The following NEBL variants were observed in gnomAD, a reference collection of about 807,000 sequenced individuals.
NEBL encodes the protein LIM and SH3 protein 2.
A neutral mutation model predicts 140.2 loss-of-function variants in NEBL; 122 were observed. That is an observed-to-expected ratio of 0.87 (90% confidence interval 0.75 to 1.01). The LOEUF (loss-of-function observed/expected upper bound fraction) is 1.01. Among genes scored for constraint, NEBL ranks in the 50% least tolerant of loss-of-function variants. The pLI is 0.00. For synonymous variants in NEBL, 436 were observed against 398.9 expected (o/e 1.09, Z -1.11); for missense variants, 1,365 against 1,231.3 (o/e 1.11, Z -1.62).
intron 5 of NEBL, among the ~76,000 whole-genome samples, chr10:20,880,098 C>T (rs1588921921): frequency 2.0e-5 from 3 of 152,252 alleles, no homozygotes; most frequent in East Asian, 1.9e-4. Flanking sequence ...CACGGTGGCT[C>T]GTGCCTGTAA....
At chr10:20,995,923 T>A (rs1837648134) in intron 3 of NEBL, among the ~76,000 whole-genome samples, 1 of 148,486 alleles carries the variant, frequency 6.7e-6, no homozygotes, top group African/African-American at 2.6e-5. Context: ...TCCTTTACAG[T>A]TTATTATGAA....
At chr10:21,039,466 T>C (rs1834166046) in intron 2 of NEBL, among the ~76,000 whole-genome samples, 1 of 152,222 alleles carries the variant, frequency 6.6e-6, no homozygotes, top group African/African-American at 2.4e-5. Flanking sequence ...CCCAGCACCA[T>C]TTATTAAACA....
At chr10:21,110,803 G>C (rs1385675534) in intron 2 of NEBL, 2 of 588,646 alleles carry the variant, frequency 3.4e-6, no homozygotes, top group East Asian at 6.3e-5. Context: ...AGTCAGGTTA[G>C]GGACTCATGC....
chr10:21,069,938 C>A (rs770506787), intron 2 of NEBL: 8 of 453,356 alleles, frequency 1.8e-5, no homozygotes, highest in South Asian at 1.3e-4. Context: ...GTAAATATCC[C>A]CTATCATGTA....
chr10:20,840,151 G>T (rs1246183350), intron 13 of NEBL, among the ~76,000 whole-genome samples: 1 of 151,942 alleles, frequency 6.6e-6, no homozygotes, highest in Non-Finnish European at 1.5e-5. Context: ...TGGGGACAAG[G>T]CTTTAAGCTC....
rs1021685509 is a variant in NEBL at position 20,832,767 on chromosome 10, T to C, written c.1450-1184A>G. ...AATTTAGGTAAGTGGTAAACAAAAA[T>C]CTCAGTCTTGGAGTATTTTGCCTCC... is the stretch of plus-strand genomic sequence containing the variant. On this transcript the variant is annotated intron_variant, in intron 14 of 27. Coordinates refer to ENST00000377122, the MANE Select transcript of NEBL (RefSeq NM_006393.3). Among the ~76,000 whole-genome samples, 4 of 152,198 alleles carry C rather than the reference T, an allele frequency of 2.6e-5. No homozygotes were observed. The East Asian group carries it at 5.8e-4, about 22-fold the overall frequency.
At chr10:21,142,735 G>C (rs1391699996) in intron 2 of NEBL, among the ~76,000 whole-genome samples, 3 of 152,176 alleles carry the variant, frequency 2.0e-5, no homozygotes, top group Non-Finnish European at 4.4e-5. Flanking sequence ...ATCAGCGGTG[G>C]TATTAGAGTC....
At chr10:21,288,218 C>T (rs1287621820) in intron 1 of NEBL, among the ~76,000 whole-genome samples, 20 of 152,200 alleles carry the variant, frequency 1.3e-4, no homozygotes, top group Admixed American at 1.2e-3. Flanking sequence ...ACCTGTAATC[C>T]CAGCACTTTG....
At chr10:20,935,453 T>A (rs1419082021) in intron 4 of NEBL, among the ~76,000 whole-genome samples, 2 of 152,180 alleles carry the variant, frequency 1.3e-5, no homozygotes, top group African/African-American at 4.8e-5. Flanking sequence ...ATAACAGAAC[T>A]GAGAACACCC....
At chr10:20,884,699 C>T (rs1191294748) in intron 4 of NEBL, among the ~76,000 whole-genome samples, 1 of 152,170 alleles carries the variant, frequency 6.6e-6, no homozygotes, top group Non-Finnish European at 1.5e-5. Context: ...ACTTCTGAAA[C>T]AGAATCCTGT....
At chr10:21,042,206 A>G (rs923847719) in intron 2 of NEBL, among the ~76,000 whole-genome samples, 3 of 152,110 alleles carry the variant, frequency 2.0e-5, no homozygotes, top group Non-Finnish European at 4.4e-5. Context: ...GTCTCATTTA[A>G]TCCTCCCAAC....
intron 3 of NEBL, among the ~76,000 whole-genome samples, chr10:20,981,838 CA>C (rs1837057654): frequency 6.6e-6 from 1 of 152,162 alleles, no homozygotes; most frequent in African/African-American, 2.4e-5. Flanking sequence ...TAGAAATAAA[CA>C]GCCTATGAGC....
chr10:21,054,649 T>C (rs16921489), intron 2 of NEBL, among the ~76,000 whole-genome samples: 60,080 of 152,148 alleles, frequency 0.39, 11,960 homozygotes, highest in Middle Eastern at 0.47. Flanking sequence ...GGAAGGACCA[T>C]AGCACAAATG....
intron 2 of NEBL, among the ~76,000 whole-genome samples, chr10:21,154,019 G>C (rs1439069832): frequency 6.6e-6 from 1 of 152,006 alleles, no homozygotes; most frequent in East Asian, 1.9e-4. Flanking sequence ...TATTCCACCT[G>C]ATTCAGTGTT....
intron 2 of NEBL, among the ~76,000 whole-genome samples, chr10:21,136,170 T>G (rs1262794878): frequency 6.6e-6 from 1 of 152,172 alleles, no homozygotes; most frequent in Non-Finnish European, 1.5e-5. Context: ...GCATCTGCAT[T>G]AAGATCACCT....
chr10:20,956,790 A>C (rs1374819895), intron 4 of NEBL, among the ~76,000 whole-genome samples: 1 of 152,210 alleles, frequency 6.6e-6, no homozygotes. Flanking sequence ...AAGTTTGCTA[A>C]ATATAAAAAG....
At chr10:20,989,041 T>C (rs1466389204) in intron 3 of NEBL, among the ~76,000 whole-genome samples, 1 of 152,242 alleles carries the variant, frequency 6.6e-6, no homozygotes, top group African/African-American at 2.4e-5. Flanking sequence ...CAGTATGAAT[T>C]TACAGTAAAT....
intron 4 of NEBL, among the ~76,000 whole-genome samples, chr10:20,937,015 C>G (rs549260027): frequency 9.3e-4 from 141 of 152,276 alleles, no homozygotes; most frequent in Non-Finnish European, 1.5e-3. Context: ...GGAATAAATA[C>G]CACCACTTTG....
intron 2 of NEBL, among the ~76,000 whole-genome samples, chr10:21,143,851 G>A (rs1179507053): frequency 4.7e-5 from 7 of 147,406 alleles, no homozygotes; most frequent in African/African-American, 1.8e-4. Context: ...GCCAGATCAG[G>A]ATAAGACAAG....
Sources: gnomAD v4.1 joint callset for allele counts (sites outside exome capture counted in the v4.1 genomes callset) on GRCh38, gnomAD v4.1.1 for gene constraint, MANE v1.5 for transcripts, NCBI Gene and HGNC (gene_info 2026-07-23, HGNC 2026-07-21) for gene names.